CDH13: variants seen among roughly 807,000 people sequenced by gnomAD.
CDH13 encodes cadherin-13.
In CDH13, 24 loss-of-function variants were observed where a neutral mutation model predicts 63.8. The observed-to-expected ratio is 0.38, with a 90% CI of 0.27 to 0.53. CDH13 has a LOEUF of 0.53. CDH13 is among the 20% of genes least tolerant of loss of function. The pLI is 0.85. For missense variants in CDH13, 1,049 were observed against 903.1 expected (o/e 1.16, Z -2.07); for synonymous variants, 503 against 355.3 (o/e 1.42, Z -4.67).
chr16:83,026,797 T>A (rs1393614276), intron 2 of CDH13, among the ~76,000 whole-genome samples: 1 of 152,148 alleles, frequency 6.6e-6, no homozygotes, highest in Non-Finnish European at 1.5e-5. Context: ...CATCACTTCA[T>A]TCAAAATGCA....
At chr16:82,892,249 A>G (rs889324528) in intron 2 of CDH13, among the ~76,000 whole-genome samples, 1 of 152,214 alleles carries the variant, frequency 6.6e-6, no homozygotes, top group Non-Finnish European at 1.5e-5. Context: ...ATGGTGGTGG[A>G]CGTACAAAAC....
chr16:82,762,246 C>A (rs536589071), intron 1 of CDH13, among the ~76,000 whole-genome samples: 7 of 152,266 alleles, frequency 4.6e-5, no homozygotes, highest in African/African-American at 1.7e-4. Flanking sequence ...TCTTTCTGCT[C>A]CCACGATGAT....
At chr16:83,677,957 G>C (rs1440685883) in intron 9 of CDH13, among the ~76,000 whole-genome samples, 1 of 152,094 alleles carries the variant, frequency 6.6e-6, no homozygotes, top group African/African-American at 2.4e-5. Flanking sequence ...CTCAAGTCAT[G>C]TGTTGTCATT....
chr16:83,692,938 C>T (rs746034349), intron 10 of CDH13, among the ~76,000 whole-genome samples: 1 of 152,178 alleles, frequency 6.6e-6, no homozygotes, highest in East Asian at 1.9e-4. Context: ...CAAAAATTAG[C>T]CAGGCATGGC....
intron 7 of CDH13, among the ~76,000 whole-genome samples, chr16:83,527,130 CAAA>C (rs35647015): frequency 0.056 from 8,322 of 148,142 alleles, 768 homozygotes; most frequent in African/African-American, 0.2. Context: ...GACTCTGTCT[CAAA>C]AAAAAAAAAT....
At position 83,734,211 on chromosome 16, in the gene CDH13, A is replaced by G. The variant is rs140725418; in HGVS notation, c.1539-13897A>G. Reference sequence around the variant, plus strand: ...AAGTGTGACTCAAAACTGAAAAAATATATGTATTTGGTTAAGATGTAATTG... The same window carrying G: ...AAGTGTGACTCAAAACTGAAAAAATGTATGTATTTGGTTAAGATGTAATTG... On this transcript the variant is annotated intron_variant, in intron 10 of 13. Coordinates refer to ENST00000567109, the MANE Select transcript of CDH13 (RefSeq NM_001257.5). 6.8e-4 allele frequency among the ~76,000 whole-genome samples: 103 copies of G among 152,304 alleles called. No homozygotes were observed. In the East Asian group the frequency reaches 0.018, roughly 27 times the overall value.
At chr16:83,478,277 T>G (rs2073663964) in intron 6 of CDH13, among the ~76,000 whole-genome samples, 1 of 152,110 alleles carries the variant, frequency 6.6e-6, no homozygotes, top group Admixed American at 6.6e-5. Flanking sequence ...CGCTCCAGTT[T>G]GCCACCAACC....
At chr16:82,863,010 C>T (rs923008143) in intron 2 of CDH13, among the ~76,000 whole-genome samples, 1 of 152,222 alleles carries the variant, frequency 6.6e-6, no homozygotes, top group African/African-American at 2.4e-5. Context: ...TGTATCATTT[C>T]TGCTCATATT....
chr16:83,645,462 G>C (rs80174056), intron 8 of CDH13, among the ~76,000 whole-genome samples: 1,729 of 152,236 alleles, frequency 0.011, 41 homozygotes, highest in African/African-American at 0.04. Flanking sequence ...AGTGTTTGCT[G>C]TTTGGGTAAT....
chr16:83,058,821 C>T (rs1207832357), intron 3 of CDH13, among the ~76,000 whole-genome samples: 1 of 152,214 alleles, frequency 6.6e-6, no homozygotes, highest in Non-Finnish European at 1.5e-5. Context: ...ACGCTGACCT[C>T]ACAGAAACTA....
At chr16:82,866,249 C>G (rs989974045) in intron 2 of CDH13, among the ~76,000 whole-genome samples, 5 of 152,136 alleles carry the variant, frequency 3.3e-5, no homozygotes, top group African/African-American at 9.7e-5. Flanking sequence ...GCCCTCTAAA[C>G]TGTTCCAGCC....
chr16:83,268,537 G>A (rs554967217), intron 5 of CDH13, among the ~76,000 whole-genome samples: 6 of 152,238 alleles, frequency 3.9e-5, no homozygotes, highest in Admixed American at 1.3e-4. Flanking sequence ...AGTTCATCCC[G>A]GGTCATGTTT....
chr16:82,869,723 T>C (rs993816636), intron 2 of CDH13, among the ~76,000 whole-genome samples: 14 of 152,064 alleles, frequency 9.2e-5, no homozygotes, highest in Admixed American at 5.2e-4. Context: ...AGAACATACC[T>C]TGGGGAAAGG....
At chr16:82,915,585 A>G (rs2041961679) in intron 2 of CDH13, among the ~76,000 whole-genome samples, 1 of 151,936 alleles carries the variant, frequency 6.6e-6, no homozygotes, top group Non-Finnish European at 1.5e-5. Context: ...CGACAGGAGG[A>G]GGGAGAGTGT....
At chr16:82,779,641 G>C (rs1308578958) in intron 1 of CDH13, among the ~76,000 whole-genome samples, 2 of 152,188 alleles carry the variant, frequency 1.3e-5, no homozygotes, top group Non-Finnish European at 2.9e-5. Context: ...TAATTTACCT[G>C]TAACCGACAG....
Position 83,153,687 on chromosome 16 carries a change from G to A in CDH13, c.483+28186G>A, listed in dbSNP as rs1311345141. On this transcript the variant is annotated intron_variant, in intron 4 of 13. Transcript: ENST00000567109. ...TGCAAAGGCGGTTTCAATCCTATAA[G>A]ACCAACATACAACAGATTCTCCCTT... 2.0e-5 allele frequency among the ~76,000 whole-genome samples: 3 copies of A among 152,208 alleles called. No homozygotes were observed. The East Asian group carries it at 5.8e-4, about 29-fold the overall frequency.
chr16:83,501,966 A>C (rs1238329882), intron 7 of CDH13, among the ~76,000 whole-genome samples: 1 of 152,154 alleles, frequency 6.6e-6, no homozygotes, highest in Non-Finnish European at 1.5e-5. Context: ...GGAATTCACA[A>C]ATGTGAATCT....
At chr16:83,256,037 G>A (rs766410568) in intron 5 of CDH13, among the ~76,000 whole-genome samples, 2 of 152,150 alleles carry the variant, frequency 1.3e-5, no homozygotes, top group Non-Finnish European at 2.9e-5. Context: ...CAATAAAAGT[G>A]ATTATTTTTT....
chr16:83,021,019 T>C (rs1282895770), intron 2 of CDH13, among the ~76,000 whole-genome samples: 2 of 152,144 alleles, frequency 1.3e-5, no homozygotes, highest in Admixed American at 1.3e-4. Flanking sequence ...TGCTATAAAG[T>C]TTAAAAACTA....
Sources: allele counts gnomAD v4.1 joint callset (sites outside exome capture counted in the v4.1 genomes callset), GRCh38; gene constraint gnomAD v4.1.1; transcripts MANE v1.5; gene names NCBI Gene and HGNC (gene_info 2026-07-23, HGNC 2026-07-21).